Variants in PLAGL1 observed in about 807,000 individuals in gnomAD.
The protein encoded by PLAGL1 is PLAG1 like zinc finger 1.
Under a neutral mutation model 4.6 loss-of-function variants are expected in PLAGL1, and 1 was observed. The ratio of observed to expected loss-of-function variants is 0.22; its 90% CI spans 0.08 to 1.03. PLAGL1 has a LOEUF of 1.03. PLAGL1 is among the 50% of genes least tolerant of loss of function. PLAGL1 has a pLI of 0.58. For missense variants in PLAGL1, 464 were observed against 570.4 expected, an observed-to-expected ratio of 0.81 and a Z score of 1.90; for synonymous variants, 240 against 237.8, an observed-to-expected ratio of 1.01 and a Z score of -0.08.
At chr6:143,993,326 AACAAAAC>A (rs1041661989) in intron 1 of PLAGL1, among the ~76,000 whole-genome samples, 6 of 117,390 alleles carry the variant, frequency 5.1e-5, no homozygotes, top group African/African-American at 2.0e-4. Flanking sequence ...CAAAAAACAA[AACAAAAC>A]ACACACACAC....
intron 1 of PLAGL1, among the ~76,000 whole-genome samples, chr6:143,988,806 C>T (rs1453669033): frequency 1.3e-5 from 2 of 152,178 alleles, no homozygotes; most frequent in African/African-American, 2.4e-5. Flanking sequence ...GTTCTCTGTC[C>T]TTTTCTTATA....
At chr6:143,943,627 G>C (rs1008666912) in intron 7 of PLAGL1, among the ~76,000 whole-genome samples, 1 of 151,464 alleles carries the variant, frequency 6.6e-6, no homozygotes, top group Non-Finnish European at 1.5e-5. Flanking sequence ...TTCCCTCTAA[G>C]ACACCTTTGA....
In PLAGL1 at chr6:144,050,128, G is replaced by A. The variant is rs12525521; in HGVS notation, c.-151+14340C>T. Among the ~76,000 whole-genome samples the A allele has an allele frequency of 0.083, 12,688 of 152,188 alleles. 777 individuals are homozygous for A. Among genetic ancestry groups the A allele is most frequent in the Admixed American group, 0.21 (3,236 of 15,284 alleles). ...GAAAGCAAGTAAGGGTGCTTACTTT[G>A]AGTTTAACTCAAAATATTTATGTGT... On this transcript the variant is annotated intron_variant, in intron 1 of 3. Transcript: ENST00000437412. This position sits in a 1 kb window ranked among gnomAD's most constrained non-coding sequence, Gnocchi z 4.3.
Position 143,989,277 on chromosome 6 carries a change from T to A in PLAGL1, c.-583-4103A>T, listed in dbSNP as rs1438300464. Among the ~76,000 whole-genome samples the A allele has an allele frequency of 1.3e-5, 2 of 152,192 alleles. No homozygotes were observed. Among genetic ancestry groups the A allele is most frequent in the African/African-American group, 4.8e-5 (2 of 41,434 alleles). ...GTTCTCATCCCTGGAGAGTGTGATA[T>A]GACAGTGAATTGTGTCAACGTGACT... On this transcript the variant is annotated intron_variant, in intron 1 of 7. Transcript: ENST00000674357. This position sits in a 1 kb window ranked among gnomAD's most constrained non-coding sequence, Gnocchi z 4.8.
rs550070796 is a variant in PLAGL1 at position 143,972,247 on chromosome 6, C to T, written c.-543-3269G>A. 2.0e-5 allele frequency among the ~76,000 whole-genome samples: 3 copies of T among 152,312 alleles called. No homozygotes were observed. Among genetic ancestry groups the T allele is most frequent in the Admixed American group, 6.5e-5 (1 of 15,294 alleles). On this transcript the variant is annotated intron_variant, in intron 2 of 7. Coordinates refer to ENST00000674357, the MANE Select transcript of PLAGL1 (RefSeq NM_001317162.2). The surrounding 1 kb of genome is among the most constrained non-coding windows in gnomAD (Gnocchi z 6.8). ...GCTTGAGATATAAAAATGAATACAA[C>T]ACAGCTGCTTTACTTCCAGCTAAAA...
Position 143,948,066 on chromosome 6 carries a change from T to A in PLAGL1, c.71A>T (p.Tyr24Phe). The change falls in exon 7 of 8, where the codon TAT (tyrosine) becomes TTT (phenylalanine). Residue 24 changes from tyrosine to phenylalanine, a missense_variant. By Grantham distance (22) the Tyr-to-Phe change is conservative. Coordinates refer to ENST00000674357, the MANE Select transcript of PLAGL1 (RefSeq NM_001317162.2). This position sits in a 1 kb window ranked among gnomAD's most constrained non-coding sequence, Gnocchi z 6.0. ...GTACGGCCGCTCCCTGGAGTGGGAA[T>A]AATTGTGAATCGTGAACTTCTCCAG... ...LTLEKFTIHN[Y>F]SHSRERPYKC... The A allele has an allele frequency of 6.2e-7, 1 of 1,613,894 alleles. No individual in the cohort carries two copies. Among genetic ancestry groups the A allele is most frequent in the Non-Finnish European group, 8.5e-7 (1 of 1,179,748 alleles).
chr6:144,028,640 C>G (rs995164500), intron 1 of PLAGL1, among the ~76,000 whole-genome samples: 3 of 152,178 alleles, frequency 2.0e-5, no homozygotes, highest in African/African-American at 7.2e-5. Flanking sequence ...TGATATCCGT[C>G]TATAAAAGAA....
upstream of PLAGL1, among the ~76,000 whole-genome samples, chr6:144,012,585 TTATC>T (rs1171606136): frequency 4.6e-5 from 7 of 152,206 alleles, no homozygotes; most frequent in African/African-American, 1.7e-4. The surrounding 1 kb of genome is among the most constrained non-coding windows in gnomAD (Gnocchi z 4.8). Flanking sequence ...TGTGCCATCT[TTATC>T]CAGAAGTCAG....
At position 143,945,931 on chromosome 6, in the gene PLAGL1, T is replaced by C. The variant is rs1779669990; in HGVS notation, c.152+2054A>G. Among the ~76,000 whole-genome samples the C allele has an allele frequency of 6.6e-6, 1 of 152,208 alleles. No individual in the cohort carries two copies. Among genetic ancestry groups the C allele is most frequent in the Admixed American group, 6.5e-5 (1 of 15,288 alleles). ...GACAGCTTCCCTTTTTGCCTCTCTT[T>C]ACACCCTTAACTGAACAAGCCATTT... On this transcript the variant is annotated intron_variant, in intron 7 of 7. Transcript: ENST00000674357. The surrounding 1 kb of genome is among the most constrained non-coding windows in gnomAD (Gnocchi z 4.2).
intron 1 of PLAGL1, among the ~76,000 whole-genome samples, chr6:143,991,256 G>A (rs559826149): frequency 1.3e-5 from 2 of 152,232 alleles, no homozygotes; most frequent in East Asian, 3.9e-4. Context: ...AAATATTTAT[G>A]TTATAAATTA....
intron 1 of PLAGL1, among the ~76,000 whole-genome samples, chr6:144,057,182 A>T (rs1331195381): frequency 6.6e-6 from 1 of 152,240 alleles, no homozygotes; most frequent in African/African-American, 2.4e-5. Context: ...ATAGTTTTAT[A>T]AAAAACTGCC....
chr6:144,022,602 G>A lies in PLAGL1; in HGVS notation c.-151+41866C>T, dbSNP rs1344061875. 2.0e-5 allele frequency among the ~76,000 whole-genome samples: 3 copies of A among 152,116 alleles called. No homozygotes were observed. The highest frequency in any genetic ancestry group is 7.2e-5 in the African/African-American group (3 of 41,406). On this transcript the variant is annotated intron_variant, in intron 1 of 3. Transcript: ENST00000437412. The surrounding 1 kb of genome is among the most constrained non-coding windows in gnomAD (Gnocchi z 4.2). ...ATCTGGTGCTGGTAATTGAATCATG[G>A]GGACAGGTCTTTCCCATGCTGTTCT...
At position 143,994,873 on chromosome 6, in the gene PLAGL1, T is replaced by C. The variant is rs1219813119; in HGVS notation, c.-583-9699A>G. Among the ~76,000 whole-genome samples the C allele has an allele frequency of 1.3e-5, 2 of 152,222 alleles. No homozygotes were observed. The highest frequency in any genetic ancestry group is 2.4e-5 in the African/African-American group (1 of 41,472). On this transcript the variant is annotated intron_variant, in intron 1 of 7. Coordinates refer to ENST00000674357, the MANE Select transcript of PLAGL1 (RefSeq NM_001317162.2). This position sits in a 1 kb window ranked among gnomAD's most constrained non-coding sequence, Gnocchi z 4.3. ...TGTCAGTTTCTGATGTGTTTGCTCT[T>C]AGCAAATTTGCATTAATTTCAGATT...
rs138373370 is a variant in PLAGL1, at chr6:144,045,000, C to CTTTTTTTTT, written c.-151+19459_-151+19467dup. Among the ~76,000 whole-genome samples the CTTTTTTTTT allele has an allele frequency of 1.1e-3, 53 of 47,318 alleles. 3 individuals are homozygous for CTTTTTTTTT. Among genetic ancestry groups the CTTTTTTTTT allele is most frequent in the East Asian group, 2.0e-3 (2 of 1,020 alleles). The allele number at this position is 47,318 out of a possible 152,430, so 31.0% of individuals were successfully genotyped here. A position where few individuals can be genotyped will look rare whatever the true frequency, so the allele number is the denominator to read the frequency against. On this transcript the variant is annotated intron_variant, in intron 1 of 3. Transcript: ENST00000437412. ...TCAGAGACTAGGATTGCAACCCCTGCTTTTTTTTTTTTTTTTTTGGCTTTC... is the reference window on the plus strand; with the variant it reads ...TCAGAGACTAGGATTGCAACCCCTGCTTTTTTTTTTTTTTTTTTTTTTTTTTTGGCTTTC...
rs1392354318 is a variant in PLAGL1 at position 144,013,843 on chromosome 6, A to C, written c.-150-44865T>G. Among the ~76,000 whole-genome samples, 1 of 152,160 alleles carries C rather than the reference A, an allele frequency of 6.6e-6. No homozygotes were observed. The highest frequency in any genetic ancestry group is 2.4e-5 in the African/African-American group (1 of 41,438). ...CTGAAGGTGGTCTCCTCATTTCAAGATCCGTAACTTAAGTCACATCTGCAA... is the reference window on the plus strand; with the variant it reads ...CTGAAGGTGGTCTCCTCATTTCAAGCTCCGTAACTTAAGTCACATCTGCAA... On this transcript the variant is annotated intron_variant, in intron 1 of 3. Coordinates refer to the PLAGL1 transcript ENST00000437412. This position sits in a 1 kb window ranked among gnomAD's most constrained non-coding sequence, Gnocchi z 4.4.
At chr6:144,011,854 C>G (rs569826014), upstream of PLAGL1, among the ~76,000 whole-genome samples, 1 of 152,298 alleles carries the variant, frequency 6.6e-6, no homozygotes, top group South Asian at 2.1e-4. This position sits in a 1 kb window ranked among gnomAD's most constrained non-coding sequence, Gnocchi z 4.3. Context: ...AGTTCATTTG[C>G]TCAGTTCAGC....
At position 144,016,750 on chromosome 6, in the gene PLAGL1, G is replaced by A. The variant is rs763276905; in HGVS notation, c.-151+47718C>T. ...CTAAAATACATCCACTTGATTACAT[G>A]CAAATCATACTTCAGTAAGTGTCAT... On this transcript the variant is annotated intron_variant, in intron 1 of 3. Transcript: ENST00000437412. The surrounding 1 kb of genome is among the most constrained non-coding windows in gnomAD (Gnocchi z 4.2). Among the ~76,000 whole-genome samples the A allele has an allele frequency of 2.0e-4, 30 of 152,268 alleles. No homozygotes were observed. The highest frequency in any genetic ancestry group is 2.0e-4 in the Admixed American group (3 of 15,294).
At chr6:143,943,885 T>A (rs1779182766) in intron 7 of PLAGL1, among the ~76,000 whole-genome samples, 1 of 152,240 alleles carries the variant, frequency 6.6e-6, no homozygotes, top group East Asian at 1.9e-4. Context: ...ATTGCTAACA[T>A]CTAAACTCAC....
At chr6:143,946,141 C>T (rs189881616) in intron 7 of PLAGL1, among the ~76,000 whole-genome samples, 4 of 152,286 alleles carry the variant, frequency 2.6e-5, no homozygotes, top group Admixed American at 1.3e-4. Context: ...AGTCAGCCTT[C>T]GGTATACACA....
Sources: gnomAD v4.1 joint callset for allele counts (sites outside exome capture counted in the v4.1 genomes callset) on GRCh38, gnomAD v4.1.1 for gene constraint, Gnocchi (gnomAD v3.1) non-coding constraint, MANE v1.5 for transcripts, NCBI Gene and HGNC (gene_info 2026-07-23, HGNC 2026-07-21) for gene names.